USP34: variants seen among roughly 807,000 people sequenced by gnomAD.
USP34 encodes the protein ubiquitin specific peptidase 34, also known as ubiquitin carboxyl-terminal hydrolase 34.
USP34 carries 70 observed loss-of-function variants against 460.3 expected under a neutral mutation model. The observed-to-expected ratio is 0.15, with a 90% CI of 0.13 to 0.19. USP34 has a LOEUF of 0.19. Among genes scored for constraint, USP34 ranks in the 10% least tolerant of loss-of-function variants. The pLI is 1.00. For missense variants in USP34, 3,985 were observed against 4,236.2 expected (o/e 0.94, Z 1.65); for synonymous variants, 1,647 against 1,405.3 (o/e 1.17, Z -3.85).
In USP34 at chr2:61,325,473, C is replaced by T; in HGVS notation, c.2931-16G>A. The T allele has an allele frequency of 6.8e-7, 1 of 1,464,036 alleles. No homozygotes were observed. The highest frequency in any genetic ancestry group is 9.1e-7 in the Non-Finnish European group (1 of 1,100,390). 90.7% of individuals were successfully genotyped at this position (1,464,036 alleles called of 1,614,324 possible). On this transcript the variant is annotated splice_polypyrimidine_tract_variant and intron_variant, in intron 20 of 79. Coordinates refer to ENST00000398571, the MANE Select transcript of USP34 (RefSeq NM_014709.4). ...ATGGCTGTACCTATAATTTAAAAGT[C>T]ATTAAAATAATTAAATATCCTATTT...
At chr2:61,217,624 C>G (rs540041064) in intron 67 of USP34, among the ~76,000 whole-genome samples, 1 of 152,198 alleles carries the variant, frequency 6.6e-6, no homozygotes, top group Non-Finnish European at 1.5e-5. Context: ...CATCCATATA[C>G]TTACACTAGA....
rs1688737589 is a variant in USP34, at chr2:61,256,939, A to G, written c.6060T>C (p.His2020=). 1 of 1,562,798 alleles carries G rather than the reference A, an allele frequency of 6.4e-7. No individual in the cohort carries two copies. The highest frequency in any genetic ancestry group is 8.6e-7 in the Non-Finnish European group (1 of 1,157,160). The change falls in exon 47 of 80, where the codon CAT becomes CAC. Residue 2020 remains histidine, a synonymous_variant. Coordinates refer to ENST00000398571, the MANE Select transcript of USP34 (RefSeq NM_014709.4). The part of the protein sequence containing the change: ...TNNVVSLDCE[H]VSQTAEEFYT... Reference sequence around the variant, plus strand: ...AAAACTCTTCAGCAGTTTGACTAACATGTTCACAATCCTAATCAATACACA... The same window carrying G: ...AAAACTCTTCAGCAGTTTGACTAACGTGTTCACAATCCTAATCAATACACA...
intron 48 of USP34, among the ~76,000 whole-genome samples, chr2:61,254,236 T>C (rs1439346781): frequency 6.6e-6 from 1 of 152,226 alleles, no homozygotes; most frequent in Non-Finnish European, 1.5e-5. Context: ...CCTCCCAGTT[T>C]GGGGGTTACC....
chr2:61,209,383 G>GT (rs1553350239), intron 69 of USP34, among the ~76,000 whole-genome samples: 4 of 152,112 alleles, frequency 2.6e-5, no homozygotes, highest in Non-Finnish European at 4.4e-5. Flanking sequence ...TACTAAAAAC[G>GT]TGTCAGCCTT....
At chr2:61,212,546 TA>T (rs1017860919) in intron 68 of USP34, among the ~76,000 whole-genome samples, 19 of 152,272 alleles carry the variant, frequency 1.2e-4, no homozygotes, top group African/African-American at 4.6e-4. Flanking sequence ...TCCTGATGAA[TA>T]AAAAGTAAAA....
chr2:61,341,755 C>CTTT lies in USP34; in HGVS notation c.2500+2057_2500+2059dup, dbSNP rs896288474. On this transcript the variant is annotated intron_variant, in intron 16 of 79. Transcript: ENST00000398571. ...ATAAACTACCCAGACTCAGGTCTTT[C>CTTT]TTTTTTTTTTTTTTTTTTTTTTTGA... 3.6e-3 allele frequency among the ~76,000 whole-genome samples: 326 copies of CTTT among 91,722 alleles called. 1 individual carries two copies. The highest frequency in any genetic ancestry group is 6.8e-3 in the South Asian group (15 of 2,202). 60.2% of individuals were successfully genotyped at this position (91,722 alleles called of 152,430 possible).
intron 67 of USP34, among the ~76,000 whole-genome samples, chr2:61,217,214 C>G (rs916911101): frequency 6.6e-6 from 1 of 152,198 alleles, no homozygotes; most frequent in African/African-American, 2.4e-5. Context: ...TTTGGAAGAA[C>G]AGGCCATCTT....
At chr2:61,354,873 C>T (rs555447989) in intron 10 of USP34, among the ~76,000 whole-genome samples, 10 of 152,272 alleles carry the variant, frequency 6.6e-5, no homozygotes, top group African/African-American at 2.4e-4. Context: ...TCAATGCTCA[C>T]CTCCAACTCC....
intron 3 of USP34, among the ~76,000 whole-genome samples, chr2:61,397,830 C>A (rs1172591409): frequency 1.3e-5 from 2 of 151,640 alleles, no homozygotes; most frequent in Admixed American, 1.3e-4. Flanking sequence ...ACCCAGGAGA[C>A]GGAGGCTGCA....
chr2:61,210,066 T>C (rs979764270), intron 69 of USP34, among the ~76,000 whole-genome samples: 4 of 152,174 alleles, frequency 2.6e-5, no homozygotes, highest in African/African-American at 9.7e-5. Context: ...ATCAAGAAGT[T>C]AAAAAAACTT....
At chr2:61,242,070 A>T (rs1688278706) in intron 51 of USP34, among the ~76,000 whole-genome samples, 1 of 152,110 alleles carries the variant, frequency 6.6e-6, no homozygotes, top group Non-Finnish European at 1.5e-5. Context: ...AGACTGAGAA[A>T]ATTTTACTAT....
At chr2:61,451,124 G>A (rs529678893) in intron 1 of USP34, among the ~76,000 whole-genome samples, 1 of 143,120 alleles carries the variant, frequency 7.0e-6, no homozygotes, top group East Asian at 2.0e-4. Context: ...GGGACGCTGA[G>A]ACAGGAGAAT....
intron 27 of USP34, among the ~76,000 whole-genome samples, chr2:61,310,797 A>C (rs1690567938): frequency 6.6e-6 from 1 of 152,080 alleles, no homozygotes; most frequent in Non-Finnish European, 1.5e-5. Flanking sequence ...GAAAAAATGG[A>C]AATGTAATAC....
At chr2:61,392,489 T>C (rs1693379751) in intron 5 of USP34, among the ~76,000 whole-genome samples, 1 of 151,998 alleles carries the variant, frequency 6.6e-6, no homozygotes, top group Non-Finnish European at 1.5e-5. Flanking sequence ...CTGGGTGTGG[T>C]AGCGTGCACT....
intron 20 of USP34, among the ~76,000 whole-genome samples, chr2:61,330,936 G>C (rs1044013606): frequency 1.3e-5 from 2 of 151,904 alleles, no homozygotes; most frequent in Non-Finnish European, 1.5e-5. Flanking sequence ...ACAAATTTTA[G>C]AATCAATGCT....
chr2:61,432,442 A>G (rs905298318), intron 1 of USP34, among the ~76,000 whole-genome samples: 1 of 152,132 alleles, frequency 6.6e-6, no homozygotes, highest in Non-Finnish European at 1.5e-5. Context: ...ATGCCACTGC[A>G]CTCCAGCCTG....
intron 1 of USP34, among the ~76,000 whole-genome samples, chr2:61,446,143 A>C (rs1186705): frequency 0.31 from 46,249 of 147,524 alleles, 7,559 homozygotes; most frequent in Middle Eastern, 0.42. Flanking sequence ...AACTAAACTA[A>C]AACTTAGAAA....
At chr2:61,385,442 C>T (rs897053175) in intron 5 of USP34, among the ~76,000 whole-genome samples, 13 of 151,474 alleles carry the variant, frequency 8.6e-5, no homozygotes, top group Admixed American at 3.3e-4. Flanking sequence ...GAGGCCGAGG[C>T]GGGCGGATCA....
At chr2:61,243,239 C>T (rs1385950299) in intron 51 of USP34, among the ~76,000 whole-genome samples, 2 of 151,922 alleles carry the variant, frequency 1.3e-5, no homozygotes, top group Admixed American at 6.6e-5. Flanking sequence ...CTCCACCTCC[C>T]GGGTTCAAGC....
Sources: gnomAD v4.1 joint callset for allele counts (sites outside exome capture counted in the v4.1 genomes callset) on GRCh38, gnomAD v4.1.1 for gene constraint, MANE v1.5 for transcripts, NCBI Gene and HGNC (gene_info 2026-07-23, HGNC 2026-07-21) for gene names.